CDC123: variants seen among roughly 807,000 people sequenced by gnomAD.
CDC123 encodes the protein cell division cycle 123.
CDC123 carries 37 observed loss-of-function variants against 54.4 expected under a neutral mutation model. The observed-to-expected ratio is 0.68, with a 90% CI of 0.52 to 0.89. The LOEUF is 0.89. Ranked by LOEUF, CDC123 falls within the 40% of genes least tolerant of loss-of-function variation. The probability of loss-of-function intolerance (pLI) is 0.00; values close to 1 mark genes in which losing one functional copy is unlikely to be tolerated. For missense variants in CDC123, 361 were observed against 412.1 expected (o/e 0.88, Z 1.07); for synonymous variants, 144 against 136.8 (o/e 1.05, Z -0.37).
At chr10:12,242,752 G>A (rs1376088138) in intron 10 of CDC123, among the ~76,000 whole-genome samples, 10 of 151,666 alleles carry the variant, frequency 6.6e-5, no homozygotes, top group Non-Finnish European at 1.3e-4. Context: ...GACCAGCCTG[G>A]CCAACATGGT....
chr10:12,220,900 C>T (rs1168265938), intron 6 of CDC123, among the ~76,000 whole-genome samples: 4 of 151,984 alleles, frequency 2.6e-5, no homozygotes, highest in South Asian at 2.1e-4. Context: ...TGGCGTGAAC[C>T]CGGGAGGCGG....
At chr10:12,199,369 C>T (rs1835409348) in intron 2 of CDC123, among the ~76,000 whole-genome samples, 1 of 152,186 alleles carries the variant, frequency 6.6e-6, no homozygotes, top group Admixed American at 6.6e-5. Context: ...GTTCAGCCCT[C>T]ACCAGCCTTT....
rs373918761 is a variant in CDC123 at position 12,250,226 on chromosome 10, C to T, written c.985-85C>T. On this transcript the variant is annotated intron_variant, in intron 12 of 12. Transcript: ENST00000281141. Reference sequence around the variant, plus strand: ...GACAATTTTTAATTACATCCTTTGCCAAGACCTCTAGAAAATTACACCTGC... The same window carrying T: ...GACAATTTTTAATTACATCCTTTGCTAAGACCTCTAGAAAATTACACCTGC... The T allele has an allele frequency of 1.5e-3, 1,192 of 779,568 alleles. 4 individuals carry two copies. The highest frequency in any genetic ancestry group is 2.0e-3 in the Non-Finnish European group (963 of 489,242). 48.3% of individuals were successfully genotyped at this position (779,568 alleles called of 1,614,324 possible). A position where few individuals can be genotyped will look rare whatever the true frequency, so the allele number is the denominator to read the frequency against.
chr10:12,248,790 A>C (rs1836194979), intron 11 of CDC123, among the ~76,000 whole-genome samples: 1 of 135,850 alleles, frequency 7.4e-6, no homozygotes, highest in Non-Finnish European at 1.6e-5. Flanking sequence ...GGGCAACAAG[A>C]GTAAAACTTC....
In CDC123 at chr10:12,227,703, G is replaced by A. The variant is rs540973346; in HGVS notation, c.441-3245G>A. Among the ~76,000 whole-genome samples, 31 of 152,004 alleles carry A rather than the reference G, an allele frequency of 2.0e-4. No individual in the cohort carries two copies. The East Asian group carries it at 2.1e-3, about 10-fold the overall frequency. On this transcript the variant is annotated intron_variant, in intron 6 of 12. Transcript: ENST00000281141. ...GGTAGAGATGGGGTTTCATCATGTCGGCCAAGCTGGTCTCAAACTCCTGAC... is the reference window on the plus strand; with the variant it reads ...GGTAGAGATGGGGTTTCATCATGTCAGCCAAGCTGGTCTCAAACTCCTGAC...
At chr10:12,223,872 T>G (rs1175409084) in intron 6 of CDC123, among the ~76,000 whole-genome samples, 1 of 152,226 alleles carries the variant, frequency 6.6e-6, no homozygotes, top group African/African-American at 2.4e-5. Context: ...ATTTTTATTT[T>G]TTTATTTCAG....
At chr10:12,196,531 C>T (rs1051693590) in intron 1 of CDC123, among the ~76,000 whole-genome samples, 24 of 152,052 alleles carry the variant, frequency 1.6e-4, no homozygotes, top group African/African-American at 5.8e-4. Flanking sequence ...CAGTGAGGGT[C>T]GGAGGCGGGA....
At chr10:12,238,608 G>T in intron 10 of CDC123, 123 bp downstream of exon 10, 1 of 1,159,498 alleles carries the variant, frequency 8.6e-7, no homozygotes, top group Non-Finnish European at 1.2e-6. Context: ...GGGTGCAGCA[G>T]CTCATGCCTG....
At position 12,208,943 on chromosome 10, in the gene CDC123, G is replaced by T. The variant is rs184105326; in HGVS notation, c.147-1024G>T. ...CAGAATGAATTTCTGACACCAGCCC[G>T]CACACCCTGTTTTCACTGTGCAAAG... is the stretch of plus-strand genomic sequence containing the variant. On this transcript the variant is annotated intron_variant, in intron 2 of 12. Coordinates refer to ENST00000281141, the MANE Select transcript of CDC123 (RefSeq NM_006023.3). Among the ~76,000 whole-genome samples, 10 of 152,198 alleles carry T rather than the reference G, an allele frequency of 6.6e-5. No homozygotes were observed. The East Asian group carries it at 1.9e-3, about 29-fold the overall frequency.
rs543337462 is a variant in CDC123, at chr10:12,200,120, A to ATTTTTTTTTTTTTTTTTTTTTTTTT, written c.146+1367_146+1368insTTTTTTTTTTTTTTTTTTTTTTTTT. Reference sequence around the variant, plus strand: ...ATAGGCCTGAGCCACCGCACTCGGCATTTTTTTTTTTTTTTTTTTTTTTAA... The same window carrying ATTTTTTTTTTTTTTTTTTTTTTTTT: ...ATAGGCCTGAGCCACCGCACTCGGCATTTTTTTTTTTTTTTTTTTTTTTTTTTTTTTTTTTTTTTTTTTTTTTTAA... On this transcript the variant is annotated intron_variant, in intron 2 of 12. Coordinates refer to ENST00000281141, the MANE Select transcript of CDC123 (RefSeq NM_006023.3). Among the ~76,000 whole-genome samples, 6 of 59,356 alleles carry ATTTTTTTTTTTTTTTTTTTTTTTTT rather than the reference A, an allele frequency of 1.0e-4. 2 individuals are homozygous for ATTTTTTTTTTTTTTTTTTTTTTTTT. Among genetic ancestry groups the ATTTTTTTTTTTTTTTTTTTTTTTTT allele is most frequent in the African/African-American group, 3.0e-4 (5 of 16,658 alleles). 38.9% of individuals were successfully genotyped at this position (59,356 alleles called of 152,430 possible). A position where few individuals can be genotyped will look rare whatever the true frequency, so the allele number is the denominator to read the frequency against.
At chr10:12,197,076 A>G (rs1835364362) in intron 1 of CDC123, among the ~76,000 whole-genome samples, 1 of 152,198 alleles carries the variant, frequency 6.6e-6, no homozygotes, top group South Asian at 2.1e-4. Flanking sequence ...ACTGGCTTAG[A>G]ATGGTTAAAA....
At chr10:12,227,136 A>G (rs1479832599) in intron 6 of CDC123, among the ~76,000 whole-genome samples, 2 of 152,098 alleles carry the variant, frequency 1.3e-5, no homozygotes, top group South Asian at 2.1e-4. Context: ...TGCGCCTGCA[A>G]TCCCAGGCAC....
chr10:12,215,823 G>C lies in CDC123; in HGVS notation c.321G>C (p.Trp107Cys). Residue 107 changes from tryptophan to cysteine, a missense_variant, in exon 5 of 13, where the codon TGG (tryptophan) becomes TGC (cysteine). Coordinates refer to ENST00000281141, the MANE Select transcript of CDC123 (RefSeq NM_006023.3). The stretch of plus-strand genomic sequence containing the variant: ...GCAGTGTCTTTCCTAAGCTTAATTG[G>C]AGTGCCCCAAGGGTAGGAACACATA... ...LGGSVFPKLN[W>C]SAPRDAYWIA... The C allele has an allele frequency of 6.2e-7, 1 of 1,608,376 alleles. No homozygotes were observed. The highest frequency in any genetic ancestry group is 8.5e-7 in the Non-Finnish European group (1 of 1,176,604).
At chr10:12,224,639 G>C (rs1488335630) in intron 6 of CDC123, among the ~76,000 whole-genome samples, 1 of 152,090 alleles carries the variant, frequency 6.6e-6, no homozygotes, top group Non-Finnish European at 1.5e-5. Context: ...CCTCCTTTCA[G>C]CTTAGACTAC....
intron 7 of CDC123, among the ~76,000 whole-genome samples, chr10:12,234,022 C>G (rs1835941745): frequency 6.6e-6 from 1 of 151,928 alleles, no homozygotes; most frequent in African/African-American, 2.4e-5. Flanking sequence ...ATAATTATAT[C>G]AAAGTAAGCA....
intron 6 of CDC123, among the ~76,000 whole-genome samples, chr10:12,222,099 G>T (rs1835744800): frequency 6.6e-6 from 1 of 152,210 alleles, no homozygotes; most frequent in African/African-American, 2.4e-5. Flanking sequence ...CTGCTTAGAT[G>T]AGTCAGCACA....
chr10:12,247,068 CT>C (rs1291811350), intron 11 of CDC123: 1 of 125,368 alleles, frequency 8.0e-6, no homozygotes, highest in Non-Finnish European at 1.7e-5. Flanking sequence ...GTGTCCTCCT[CT>C]CTCTCACCTC....
intron 2 of CDC123, among the ~76,000 whole-genome samples, chr10:12,199,988 A>G (rs535506318): frequency 1.3e-5 from 2 of 151,116 alleles, no homozygotes; most frequent in African/African-American, 4.9e-5. Context: ...CGCCTGGCTA[A>G]TTTTTTTTAT....
rs1038936152 is a variant in CDC123, at chr10:12,202,785, C to T, written c.146+4009C>T. Reference sequence around the variant, plus strand: ...ATCCCAGCACTTTGGGAGCCCAAGGCGGGCGGATCACTTGAGGTTAGGAAT... The same window carrying T: ...ATCCCAGCACTTTGGGAGCCCAAGGTGGGCGGATCACTTGAGGTTAGGAAT... On this transcript the variant is annotated intron_variant, in intron 2 of 12. Transcript: ENST00000281141. Among the ~76,000 whole-genome samples the T allele has an allele frequency of 5.9e-5, 9 of 152,320 alleles. No homozygotes were observed. In the East Asian group the frequency reaches 9.6e-4, roughly 16 times the overall value.
Sources: gnomAD v4.1 joint callset for allele counts (sites outside exome capture counted in the v4.1 genomes callset) on GRCh38, gnomAD v4.1.1 for gene constraint, MANE v1.5 for transcripts, NCBI Gene and HGNC (gene_info 2026-07-23, HGNC 2026-07-21) for gene names.